The following NECAB3 variants were observed in gnomAD, a reference collection of about 807,000 sequenced individuals.
The protein encoded by NECAB3 is N-terminal EF-hand calcium binding protein 3.
In NECAB3, 38 loss-of-function variants were observed where a neutral mutation model predicts 57.2. That is an observed-to-expected ratio of 0.66 (90% CI 0.51 to 0.87). NECAB3 has a LOEUF of 0.87. Among genes scored for constraint, NECAB3 ranks in the 40% least tolerant of loss-of-function variants. The probability of loss-of-function intolerance (pLI) is 0.00; values close to 1 mark genes in which losing one functional copy is unlikely to be tolerated. For synonymous variants in NECAB3, 223 were observed against 222.6 expected (o/e 1.00, Z -0.02); for missense variants, 474 against 527.5 (o/e 0.90, Z 0.99).
intron 5 of NECAB3, among the ~76,000 whole-genome samples, chr20:33,661,465 G>A (rs1222302325): frequency 6.6e-6 from 1 of 152,236 alleles, no homozygotes; most frequent in Non-Finnish European, 1.5e-5. Context: ...TTATGAGCTA[G>A]GAGACAGGGA....
At chr20:33,669,586 A>C in intron 4 of NECAB3, 101 bp downstream of exon 4, 1 of 1,541,378 alleles carries the variant, frequency 6.5e-7, no homozygotes, top group African/African-American at 1.4e-5. Context: ...TCCTGAGCCC[A>C]GCCCAACCTG....
At chr20:33,669,508 C>A in intron 4 of NECAB3, 36 bp from the exon 5 acceptor site, 1 of 1,608,700 alleles carries the variant, frequency 6.2e-7, no homozygotes, top group Non-Finnish European at 8.5e-7. Flanking sequence ...GTTCCTGGAC[C>A]CCCACCCATC....
intron 2 of NECAB3, among the ~76,000 whole-genome samples, chr20:33,671,736 G>C (rs911813858): frequency 4.6e-5 from 7 of 152,156 alleles, no homozygotes; most frequent in African/African-American, 1.7e-4. Context: ...GTTTCTCCCA[G>C]ACCAGGGTCT....
rs566131394 is a variant in NECAB3, at chr20:33,668,152, C to T, written c.387+1223G>A. 4 of 1,612,742 alleles carry T rather than the reference C, an allele frequency of 2.5e-6. No homozygotes were observed. In the South Asian group the frequency reaches 4.4e-5, roughly 18 times the overall value. Reference sequence around the variant, plus strand: ...GACCGGCGGCTCCATGGTGGCCTCCCTGCACTCCTTCCAGCGCCGCTGGAT... The same window carrying T: ...GACCGGCGGCTCCATGGTGGCCTCCTTGCACTCCTTCCAGCGCCGCTGGAT... On this transcript the variant is annotated intron_variant, in intron 5 of 11. Transcript: ENST00000246190.
chr20:33,669,797 C>G, intron 3 of NECAB3, 85 bp from the exon 4 acceptor site: 1 of 1,424,272 alleles, frequency 7.0e-7, no homozygotes, highest in Non-Finnish European at 9.4e-7. Context: ...CCCACCCCAC[C>G]AACTCCCAGC....
At position 33,668,009 on chromosome 20, in the gene NECAB3, T is replaced by A. The variant is rs1386217027; in HGVS notation, c.387+1366A>T. The A allele has an allele frequency of 1.9e-6, 3 of 1,542,902 alleles. No homozygotes were observed. The highest frequency in any genetic ancestry group is 1.8e-6 in the Non-Finnish European group (2 of 1,142,462). On this transcript the variant is annotated intron_variant, in intron 5 of 11. Coordinates refer to ENST00000246190, the MANE Select transcript of NECAB3 (RefSeq NM_031232.4). ...GTGGTGCTAGCCGGCGGCTCCACAC[T>A]GTTTCCTGGCTTCGCCGAGCGCCTG...
intron 5 of NECAB3, chr20:33,667,940 T>C: frequency 6.4e-7 from 1 of 1,554,898 alleles, no homozygotes; most frequent in East Asian, 2.4e-5. Flanking sequence ...TTCCGGGCGC[T>C]GCAGAAGATG....
rs2017399741 is a variant in NECAB3 at position 33,659,706 on chromosome 20, A to G, written c.670T>C (p.Trp224Arg). Residue 224 changes from tryptophan to arginine, a missense_variant, in exon 8 of 12, where the codon TGG becomes CGG. Physicochemically the swap from Trp to Arg is moderately radical, Grantham distance 101. Coordinates refer to ENST00000246190, the MANE Select transcript of NECAB3 (RefSeq NM_031232.4). ...TGGAGGCGGTTCACCTGGAGCCGCC[A>G]CTGCATCTCGGCCTCTGAGCTGCGC... Reference protein sequence around the residue: ...TGRSSEAEMQWRLQVNRLQEL... With the variant: ...TGRSSEAEMQRRLQVNRLQEL... The G allele has an allele frequency of 6.2e-7, 1 of 1,606,340 alleles. No homozygotes were observed. Among genetic ancestry groups the G allele is most frequent in the African/African-American group, 1.3e-5 (1 of 74,826 alleles).
At position 33,658,030 on chromosome 20, in the gene NECAB3, G is replaced by A. The variant is rs375000448; in HGVS notation, c.1074C>T (p.His358=). Residue 358 remains histidine, a synonymous_variant, in exon 11 of 12, where the codon CAC becomes CAT. Transcript: ENST00000246190. ...AGGCCTTGCTGCCAGGCGACTGCTG[G>A]TGCCTGCAGAGACCCAGGCTACAGT... is the stretch of plus-strand genomic sequence containing the variant. ...FWQDEASWRR[H]QQSPGSKAFQ... 42 of 1,550,972 alleles carry A rather than the reference G, an allele frequency of 2.7e-5. No homozygotes were observed. The African/African-American group carries it at 5.6e-4, about 21-fold the overall frequency.
At chr20:33,667,381 C>A (rs1271995883) in intron 5 of NECAB3, 6 of 1,276,098 alleles carry the variant, frequency 4.7e-6, no homozygotes, top group Non-Finnish European at 6.0e-6. Flanking sequence ...GGGCGGCCTG[C>A]GGGTGTGCCC....
chr20:33,662,127 A>G, intron 5 of NECAB3: 1 of 563,302 alleles, frequency 1.8e-6, no homozygotes, highest in East Asian at 3.3e-5. Flanking sequence ...AGCACCTTAC[A>G]TGCATTGCCT....
intron 5 of NECAB3, chr20:33,663,586 G>C (rs557286657): frequency 6.2e-7 from 1 of 1,611,412 alleles, no homozygotes; most frequent in Non-Finnish European, 8.5e-7. Context: ...GGCCAACGCT[G>C]GGCAACGGAT....
At position 33,674,407 on chromosome 20, in the gene NECAB3, G is replaced by T. The variant is rs4911358; in HGVS notation, c.-55C>A. On this transcript the variant is annotated 5_prime_UTR_variant, in exon 1 of 12. Coordinates refer to ENST00000246190, the MANE Select transcript of NECAB3 (RefSeq NM_031232.4). ...GGTTGCTGCCGACCCTGGACGCCGC[G>T]GCGGACTCGGTGTGGCTAGAGGCCG... The T allele has an allele frequency of 1.4e-5, 16 of 1,119,732 alleles. No homozygotes were observed. The highest frequency in any genetic ancestry group is 1.7e-5 in the Non-Finnish European group (16 of 917,002). The allele number at this position is 1,119,732 out of a possible 1,614,324, so 69.4% of individuals were successfully genotyped here.
chr20:33,663,703 CGGCGGCAAGAGG>C (rs2017562132), intron 5 of NECAB3: 1 of 1,545,490 alleles, frequency 6.5e-7, no homozygotes, highest in African/African-American at 1.8e-5. Flanking sequence ...GCTGCTGCTG[CGGCGGCAAGAGG>C]CGCGGCGGCC....
Position 33,658,847 on chromosome 20 carries a change from G to A in NECAB3, c.880-13C>T. On this transcript the variant is annotated splice_polypyrimidine_tract_variant and intron_variant, in intron 8 of 11. Transcript: ENST00000246190. The stretch of plus-strand genomic sequence containing the variant: ...CCATGAGGATGTGCTGGTGGGAGAG[G>A]CAGCCGGTCAGCTGGTGCGGGGCCG... 1 of 1,605,422 alleles carries A rather than the reference G, an allele frequency of 6.2e-7. No individual in the cohort carries two copies. Among genetic ancestry groups the A allele is most frequent in the East Asian group, 2.2e-5 (1 of 44,788 alleles).
chr20:33,663,123 C>G (rs1274311511), intron 5 of NECAB3, among the ~76,000 whole-genome samples: 1 of 152,164 alleles, frequency 6.6e-6, no homozygotes, highest in Non-Finnish European at 1.5e-5. Flanking sequence ...AGGGGGAATT[C>G]CCTAGTGTCC....
rs2017327234 is a variant in NECAB3, at chr20:33,657,682, G to C, written c.*147C>G. 1.4e-6 allele frequency: 1 copy of C among 733,076 alleles called. No individual in the cohort carries two copies. Among genetic ancestry groups the C allele is most frequent in the African/African-American group, 1.8e-5 (1 of 55,952 alleles). The allele number at this position is 733,076 out of a possible 1,614,324, so 45.4% of individuals were successfully genotyped here. ...TAATAAATAGAAAGCAAGCAGCCCA[G>C]TCCCTGATCCCTGGGCTGAGAGCCC... is the stretch of plus-strand genomic sequence containing the variant. On this transcript the variant is annotated 3_prime_UTR_variant, in exon 12 of 12. Transcript: ENST00000246190.
Position 33,658,510 on chromosome 20 carries a change from T to C in NECAB3, c.1037A>G (p.Tyr346Cys). ...KMLDGASFTL[Y>C]EFWQDEASWR... Reference sequence around the variant, plus strand: ...GGAGGCCTCATCCTGCCAGAACTCATACAGGGTGAAGGAGGCACCGTCCAG... The same window carrying C: ...GGAGGCCTCATCCTGCCAGAACTCACACAGGGTGAAGGAGGCACCGTCCAG... Residue 346 changes from tyrosine (Y) to cysteine (C), a missense_variant, in exon 10 of 12, where the codon TAT becomes TGT. By Grantham distance (194) the Tyr-to-Cys change is radical. Transcript: ENST00000246190. 1.2e-6 allele frequency: 2 copies of C among 1,614,038 alleles called. No individual in the cohort carries two copies. Among genetic ancestry groups the C allele is most frequent in the Non-Finnish European group, 1.7e-6 (2 of 1,179,982 alleles).
chr20:33,672,854 A>G (rs2017857970), intron 1 of NECAB3, among the ~76,000 whole-genome samples: 1 of 152,166 alleles, frequency 6.6e-6, no homozygotes, highest in Non-Finnish European at 1.5e-5. Context: ...CTGTGTGGCC[A>G]TGGTCTACCC....
Sources: allele counts gnomAD v4.1 joint callset (sites outside exome capture counted in the v4.1 genomes callset), GRCh38; gene constraint gnomAD v4.1.1; transcripts MANE v1.5; gene names NCBI Gene and HGNC (gene_info 2026-07-23, HGNC 2026-07-21).